SKAP1: variants seen among roughly 807,000 people sequenced by gnomAD.
SKAP1 encodes the protein src kinase associated phosphoprotein 1, also known as src kinase-associated phosphoprotein 1.
In SKAP1, 44 loss-of-function variants were observed where a neutral mutation model predicts 58.5. The ratio of observed to expected loss-of-function variants is 0.75; its 90% confidence interval spans 0.59 to 0.97. The LOEUF (loss-of-function observed/expected upper bound fraction) is 0.97. Among genes scored for constraint, SKAP1 ranks in the 50% least tolerant of loss-of-function variants. The probability of loss-of-function intolerance (pLI) is 0.00; values close to 1 mark genes in which losing one functional copy is unlikely to be tolerated. For missense variants in SKAP1, 390 were observed against 435.2 expected (o/e 0.90, Z 0.92); for synonymous variants, 127 against 149.7 (o/e 0.85, Z 1.11).
At chr17:48,229,409 T>C (rs958962265) in intron 4 of SKAP1, among the ~76,000 whole-genome samples, 1 of 151,982 alleles carries the variant, frequency 6.6e-6, no homozygotes. Context: ...TCGCCTGAGG[T>C]CAGGAGTTTG....
chr17:48,426,423 G>A (rs944014128), intron 1 of SKAP1, among the ~76,000 whole-genome samples: 21 of 152,268 alleles, frequency 1.4e-4, no homozygotes, highest in African/African-American at 4.3e-4. Flanking sequence ...GACAAACTAC[G>A]AACCAAAGAA....
chr17:48,171,214 C>T (rs1266330052), intron 9 of SKAP1, among the ~76,000 whole-genome samples: 2 of 148,128 alleles, frequency 1.4e-5, no homozygotes, highest in East Asian at 2.0e-4. Context: ...CTATTCTTCC[C>T]GAGTAGCTCA....
At position 48,162,494 on chromosome 17, in the gene SKAP1, C is replaced by A. The variant is rs745681170; in HGVS notation, c.953G>T (p.Gly318Val). Residue 318 changes from glycine to valine, a missense_variant, in exon 11 of 13, where the codon GGT becomes GTT. Transcript: ENST00000336915. ...DQPDELSFQRGDLIRILSKEY... is the reference protein window; with the variant it reads ...DQPDELSFQRVDLIRILSKEY... ...CTTGCTCAGAATACGGATGAGGTCA[C>A]CCCGTTGGAAGGACAGTTCATCTGG... is the stretch of plus-strand genomic sequence containing the variant. 1.9e-6 allele frequency: 3 copies of A among 1,613,950 alleles called. No individual in the cohort carries two copies. The highest frequency in any genetic ancestry group is 1.7e-5 in the Admixed American group (1 of 60,002).
At chr17:48,313,667 G>A (rs370896885) in intron 4 of SKAP1, among the ~76,000 whole-genome samples, 74 of 152,244 alleles carry the variant, frequency 4.9e-4, no homozygotes, top group African/African-American at 1.6e-3. Flanking sequence ...GGAGATAAAA[G>A]AGTGGAAACT....
At chr17:48,184,874 C>T in intron 6 of SKAP1, 27 bp from the exon 7 acceptor site, 1 of 1,598,686 alleles carries the variant, frequency 6.3e-7, no homozygotes, top group Non-Finnish European at 8.5e-7. Flanking sequence ...CTCCCTGTAT[C>T]CCTAGAGAGA....
At chr17:48,390,533 C>T (rs374252250) in intron 2 of SKAP1, among the ~76,000 whole-genome samples, 1 of 152,212 alleles carries the variant, frequency 6.6e-6, no homozygotes, top group East Asian at 1.9e-4. Context: ...TAGGAATGTG[C>T]CCAAGTGATA....
chr17:48,325,902 C>G (rs578239230), intron 4 of SKAP1, among the ~76,000 whole-genome samples: 3 of 152,232 alleles, frequency 2.0e-5, no homozygotes, highest in African/African-American at 7.2e-5. Context: ...CAAAAGTGCT[C>G]TACCAGATAT....
chr17:48,359,961 T>C (rs942952100), intron 3 of SKAP1, among the ~76,000 whole-genome samples: 1 of 152,202 alleles, frequency 6.6e-6, no homozygotes, highest in Non-Finnish European at 1.5e-5. Context: ...GGCTTGCCAT[T>C]TCAAAATGAG....
At chr17:48,144,158 T>C (rs1238231979) in intron 11 of SKAP1, among the ~76,000 whole-genome samples, 1 of 152,164 alleles carries the variant, frequency 6.6e-6, no homozygotes, top group African/African-American at 2.4e-5. Flanking sequence ...CCAGAGACCA[T>C]ATGCATCCTG....
At chr17:48,239,760 T>A (rs1404788605) in intron 4 of SKAP1, among the ~76,000 whole-genome samples, 1 of 149,314 alleles carries the variant, frequency 6.7e-6, no homozygotes, top group African/African-American at 2.5e-5. Flanking sequence ...TTACACATAC[T>A]CACACGTATC....
chr17:48,392,863 AT>A (rs1379697218), intron 2 of SKAP1, among the ~76,000 whole-genome samples: 13 of 82,648 alleles, frequency 1.6e-4, no homozygotes, highest in Admixed American at 4.4e-4. Context: ...CTCAAAAAAA[AT>A]ATATATATAT....
At chr17:48,251,975 T>G (rs1479138171) in intron 4 of SKAP1, among the ~76,000 whole-genome samples, 1 of 152,212 alleles carries the variant, frequency 6.6e-6, no homozygotes, top group African/African-American at 2.4e-5. Flanking sequence ...GAATAGATAG[T>G]CTTGTGATGC....
At chr17:48,199,238 A>G (rs967250763) in intron 4 of SKAP1, among the ~76,000 whole-genome samples, 1 of 152,222 alleles carries the variant, frequency 6.6e-6, no homozygotes, top group African/African-American at 2.4e-5. Context: ...TCCTGCTTAA[A>G]TCCTGTAATG....
At chr17:48,302,270 C>G (rs1270701657) in intron 4 of SKAP1, among the ~76,000 whole-genome samples, 1 of 152,108 alleles carries the variant, frequency 6.6e-6, no homozygotes, top group East Asian at 1.9e-4. Context: ...GAGCCAATCA[C>G]TACTATAATA....
At chr17:48,419,502 C>T (rs188306023) in intron 1 of SKAP1, among the ~76,000 whole-genome samples, 149 of 152,192 alleles carry the variant, frequency 9.8e-4, no homozygotes, top group Admixed American at 8.6e-3. Context: ...AGGCTGGTCT[C>T]GAACTCCTGA....
intron 4 of SKAP1, among the ~76,000 whole-genome samples, chr17:48,309,612 T>A (rs998202729): frequency 6.6e-6 from 1 of 152,162 alleles, no homozygotes; most frequent in African/African-American, 2.4e-5. Flanking sequence ...TACATATATG[T>A]CCACATATAT....
intron 3 of SKAP1, 87 bp from the exon 4 acceptor site, chr17:48,346,093 T>A (rs901571421): frequency 1.4e-6 from 1 of 695,276 alleles, no homozygotes. Context: ...CTATGTATGA[T>A]CTCTTCCAGT....
At chr17:48,428,190 A>T (rs1433139881) in intron 1 of SKAP1, among the ~76,000 whole-genome samples, 1 of 148,228 alleles carries the variant, frequency 6.7e-6, no homozygotes, top group Non-Finnish European at 1.5e-5. Context: ...TTGCAAACTT[A>T]AAAAAAAAAG....
intron 11 of SKAP1, among the ~76,000 whole-genome samples, chr17:48,161,884 T>A (rs968939332): frequency 1.3e-5 from 2 of 152,240 alleles, no homozygotes; most frequent in Non-Finnish European, 2.9e-5. Flanking sequence ...CACAAGTCCC[T>A]GAGAAAGATT....
Sources: allele counts gnomAD v4.1 joint callset (sites outside exome capture counted in the v4.1 genomes callset), GRCh38; gene constraint gnomAD v4.1.1; transcripts MANE v1.5; gene names NCBI Gene and HGNC (gene_info 2026-07-23, HGNC 2026-07-21).